Variants in PRKCA observed in about 807,000 individuals in gnomAD.
PRKCA encodes the protein protein kinase C alpha.
Under a neutral mutation model 87.0 loss-of-function variants are expected in PRKCA, and 27 were observed. That is an observed-to-expected ratio of 0.31 (90% CI 0.23 to 0.43). The LOEUF is 0.43. Among genes scored for constraint, PRKCA ranks in the 20% least tolerant of loss-of-function variants. The probability of loss-of-function intolerance (pLI) is 1.00; values close to 1 mark genes in which losing one functional copy is unlikely to be tolerated. For synonymous variants in PRKCA, 329 were observed against 311.1 expected, an observed-to-expected ratio of 1.06 and a Z score of -0.61; for missense variants, 518 against 852.3, an observed-to-expected ratio of 0.61 and a Z score of 4.88.
chr17:66,425,264 TCTC>T, intron 2 of PRKCA, among the ~76,000 whole-genome samples: 1 of 152,152 alleles, frequency 6.6e-6, no homozygotes, highest in Middle Eastern at 3.4e-3. Flanking sequence ...AGACCCTTCT[TCTC>T]CCACCTCCAC....
At chr17:66,448,742 C>G (rs1159305280) in intron 2 of PRKCA, among the ~76,000 whole-genome samples, 1 of 152,004 alleles carries the variant, frequency 6.6e-6, no homozygotes, top group Non-Finnish European at 1.5e-5. Context: ...TCACACATCC[C>G]TTTAAGCAAT....
At chr17:66,558,655 C>A (rs1350807428) in intron 3 of PRKCA, among the ~76,000 whole-genome samples, 1 of 152,016 alleles carries the variant, frequency 6.6e-6, no homozygotes, top group Non-Finnish European at 1.5e-5. Context: ...ATAAAGATGG[C>A]CCTGACTACT....
At chr17:66,347,611 G>A (rs1381833067) in intron 2 of PRKCA, among the ~76,000 whole-genome samples, 1 of 152,076 alleles carries the variant, frequency 6.6e-6, no homozygotes, top group African/African-American at 2.4e-5. Flanking sequence ...TCTTCTAAAT[G>A]TTGACACATT....
At chr17:66,404,668 C>T (rs759345980) in intron 2 of PRKCA, among the ~76,000 whole-genome samples, 17 of 149,632 alleles carry the variant, frequency 1.1e-4, no homozygotes, top group Non-Finnish European at 2.5e-4. Flanking sequence ...GTTATTCACC[C>T]TGAATCTTCT....
intron 2 of PRKCA, among the ~76,000 whole-genome samples, chr17:66,359,683 T>G (rs1412371242): frequency 6.6e-6 from 1 of 152,188 alleles, no homozygotes; most frequent in Non-Finnish European, 1.5e-5. Flanking sequence ...GACAGATAAC[T>G]CAGTAAATTG....
chr17:66,449,643 G>T (rs1914210816), intron 2 of PRKCA, among the ~76,000 whole-genome samples: 1 of 152,168 alleles, frequency 6.6e-6, no homozygotes. Flanking sequence ...GTCTGAAGCT[G>T]TTCCTTCTAT....
At chr17:66,721,256 G>A (rs575848266) in intron 8 of PRKCA, among the ~76,000 whole-genome samples, 1 of 152,084 alleles carries the variant, frequency 6.6e-6, no homozygotes, top group Admixed American at 6.5e-5. Context: ...AATTAGCCAG[G>A]CATGGTGGTG....
intron 8 of PRKCA, among the ~76,000 whole-genome samples, chr17:66,726,947 C>T (rs1375920327): frequency 2.6e-5 from 4 of 152,136 alleles, no homozygotes; most frequent in Non-Finnish European, 5.9e-5. Flanking sequence ...TGGTCTTGAA[C>T]TGCTGACCTC....
At chr17:66,352,979 A>T (rs925036022) in intron 2 of PRKCA, among the ~76,000 whole-genome samples, 7 of 152,010 alleles carry the variant, frequency 4.6e-5, no homozygotes, top group African/African-American at 7.2e-5. Context: ...ATTTCTATGT[A>T]TTTCTTCGGT....
At chr17:66,632,321 A>G (rs1313451757) in intron 3 of PRKCA, among the ~76,000 whole-genome samples, 8 of 152,140 alleles carry the variant, frequency 5.3e-5, no homozygotes, top group African/African-American at 1.4e-4. Flanking sequence ...TTACTTATTT[A>G]TCAATCTAGA....
At chr17:66,655,404 C>T (rs1022683110) in intron 5 of PRKCA, among the ~76,000 whole-genome samples, 4 of 152,308 alleles carry the variant, frequency 2.6e-5, no homozygotes, top group Admixed American at 2.0e-4. Context: ...CAACAGCCCA[C>T]CAGTGTTTCT....
intron 3 of PRKCA, among the ~76,000 whole-genome samples, chr17:66,516,370 C>T (rs1353629344): frequency 2.0e-5 from 3 of 152,162 alleles, no homozygotes; most frequent in Admixed American, 6.5e-5. Context: ...TGGTGGCTCA[C>T]CCCTGCAATC....
intron 16 of PRKCA, among the ~76,000 whole-genome samples, chr17:66,797,262 G>A (rs1051690296): frequency 1.3e-5 from 2 of 152,156 alleles, no homozygotes; most frequent in Admixed American, 6.5e-5. Context: ...CTCCAGTGGG[G>A]GCACACTGCA....
chr17:66,718,160 T>C (rs529257987), intron 8 of PRKCA, among the ~76,000 whole-genome samples: 1 of 151,192 alleles, frequency 6.6e-6, no homozygotes, highest in South Asian at 2.1e-4. Context: ...AAACTGCATA[T>C]GTTTCTCTCT....
chr17:66,782,154 T>C (rs1975251873), intron 14 of PRKCA, among the ~76,000 whole-genome samples: 1 of 152,082 alleles, frequency 6.6e-6, no homozygotes, highest in Admixed American at 6.6e-5. Context: ...CCTTGTGATC[T>C]GCCCACCTCG....
intron 3 of PRKCA, among the ~76,000 whole-genome samples, chr17:66,544,447 A>G (rs1968087093): frequency 7.0e-6 from 1 of 143,660 alleles, no homozygotes; most frequent in South Asian, 2.1e-4. Context: ...CTGGTTTAAA[A>G]AAGAAAAGAC....
At chr17:66,337,692 T>C (rs1301027888) in intron 2 of PRKCA, among the ~76,000 whole-genome samples, 1 of 152,224 alleles carries the variant, frequency 6.6e-6, no homozygotes, top group Non-Finnish European at 1.5e-5. Context: ...AGCATGGATC[T>C]AAGTTTTAAA....
chr17:66,364,281 G>A (rs1331784029), intron 2 of PRKCA: 1 of 152,224 alleles, frequency 6.6e-6, no homozygotes, highest in African/African-American at 2.4e-5. Context: ...CCTGTGAATA[G>A]CCACTGCACT....
intron 4 of PRKCA, among the ~76,000 whole-genome samples, chr17:66,644,113 C>A (rs146497982): frequency 4.7e-4 from 72 of 152,204 alleles, no homozygotes; most frequent in Non-Finnish European, 8.7e-4. Context: ...TTTTCAAGAG[C>A]CTTTATATTG....
Sources: allele counts gnomAD v4.1 joint callset (sites outside exome capture counted in the v4.1 genomes callset), GRCh38; gene constraint gnomAD v4.1.1; transcripts MANE v1.5; gene names NCBI Gene and HGNC (gene_info 2026-07-23, HGNC 2026-07-21).